The following RPA1 variants were observed in gnomAD, a reference collection of about 807,000 sequenced individuals.
RPA1 encodes replication protein A1, also known as replication protein A 70 kDa DNA-binding subunit.
Under a neutral mutation model 83.0 loss-of-function variants are expected in RPA1, and 49 were observed. The ratio of observed to expected loss-of-function variants is 0.59; its 90% CI spans 0.47 to 0.75. The LOEUF (loss-of-function observed/expected upper bound fraction) is 0.75, where lower values mean the gene tolerates loss of function less well. Ranked by LOEUF, RPA1 falls within the 30% of genes least tolerant of loss-of-function variation. The probability of loss-of-function intolerance (pLI) is 0.00; values close to 1 mark genes in which losing one functional copy is unlikely to be tolerated. For synonymous variants in RPA1, 279 were observed against 281.8 expected (o/e 0.99, Z 0.10); for missense variants, 693 against 776.1 (o/e 0.89, Z 1.27).
At chr17:1,857,062 C>G (rs1912726274) in intron 5 of RPA1, among the ~76,000 whole-genome samples, 1 of 151,676 alleles carries the variant, frequency 6.6e-6, no homozygotes, top group Non-Finnish European at 1.5e-5. Context: ...ATCTTTTTTT[C>G]TAACATAGGC....
chr17:1,879,723 A>C (rs1274536898), intron 11 of RPA1, 24 bp downstream of exon 11: 1 of 1,613,928 alleles, frequency 6.2e-7, no homozygotes, highest in Non-Finnish European at 8.5e-7. Flanking sequence ...TGGGGTCTTC[A>C]ACACGCACAG....
intron 1 of RPA1, among the ~76,000 whole-genome samples, chr17:1,834,635 A>G (rs556945851): frequency 8.7e-4 from 133 of 152,344 alleles, no homozygotes; most frequent in African/African-American, 2.3e-3. Context: ...AACAGAATAC[A>G]TAGCATTTGT....
In RPA1 at chr17:1,883,860, A is replaced by G. The variant is rs151029574; in HGVS notation, c.1290A>G (p.Leu430=). Residue 430 remains leucine (L), a synonymous_variant, in exon 13 of 17, where the codon CTA becomes CTG. Coordinates refer to ENST00000254719, the MANE Select transcript of RPA1 (RefSeq NM_002945.5). ...TAGATGGTGTTTCCATCTCTGATCT[A>G]AAGAGCGGCGGAGTCGGAGGGAGTA... The part of the protein sequence containing the change: ...QALDGVSISD[L]KSGGVGGSNT... 5.6e-6 allele frequency: 9 copies of G among 1,614,180 alleles called. No individual in the cohort carries two copies. In the East Asian group the frequency reaches 1.6e-4, roughly 28 times the overall value.
chr17:1,891,512 C>CGGGTTCAAGTGATTCTCCCGCCTCCT (rs1308060453), intron 14 of RPA1: 1 of 181,440 alleles, frequency 5.5e-6, no homozygotes, highest in Non-Finnish European at 1.2e-5. Context: ...CTCCGCCTCC[C>CGGGTTCAAGTGATTCTCCCGCCTCCT]GGGTTCAAGT....
intron 5 of RPA1, among the ~76,000 whole-genome samples, chr17:1,860,190 T>A (rs1372151990): frequency 6.6e-6 from 1 of 152,192 alleles, no homozygotes; most frequent in Non-Finnish European, 1.5e-5. Context: ...GCAATCCTCC[T>A]GCCTCAGCCT....
chr17:1,892,461 A>G (rs1383115116), intron 15 of RPA1, among the ~76,000 whole-genome samples: 1 of 152,254 alleles, frequency 6.6e-6, no homozygotes, highest in Admixed American at 6.5e-5. Flanking sequence ...AATAATGTAT[A>G]TAAAAGTACT....
chr17:1,872,320 A>C (rs777536290), intron 5 of RPA1, 114 bp from the exon 6 acceptor site: 48 of 1,449,700 alleles, frequency 3.3e-5, no homozygotes, highest in Non-Finnish European at 4.3e-5. Context: ...AATCCATGGG[A>C]GTCTTTGACA....
chr17:1,869,122 C>A (rs1027004372), intron 5 of RPA1, among the ~76,000 whole-genome samples: 5 of 152,164 alleles, frequency 3.3e-5, no homozygotes, highest in African/African-American at 1.2e-4. Context: ...TTTTTTGTTG[C>A]CCTTATTCTC....
chr17:1,864,269 G>A (rs1359007422), intron 5 of RPA1, among the ~76,000 whole-genome samples: 1 of 152,266 alleles, frequency 6.6e-6, no homozygotes, highest in Non-Finnish European at 1.5e-5. Context: ...GGGCATAGTG[G>A]CCCATGCCTG....
At chr17:1,888,366 A>C (rs967456872) in intron 13 of RPA1, among the ~76,000 whole-genome samples, 2 of 152,220 alleles carry the variant, frequency 1.3e-5, no homozygotes, top group Non-Finnish European at 2.9e-5. Context: ...TACAGTGTTC[A>C]AGCAAACAGG....
chr17:1,849,347 C>T (rs1210568645), intron 4 of RPA1, among the ~76,000 whole-genome samples: 3 of 134,974 alleles, frequency 2.2e-5, no homozygotes, highest in Non-Finnish European at 4.5e-5. Flanking sequence ...GGCTGGAGTG[C>T]AGTGGTGCGA....
At chr17:1,886,528 A>T (rs1913999539) in intron 13 of RPA1, among the ~76,000 whole-genome samples, 1 of 152,118 alleles carries the variant, frequency 6.6e-6, no homozygotes, top group Non-Finnish European at 1.5e-5. Context: ...CTACGTTGAA[A>T]ATCTGTTGTT....
Position 1,884,570 on chromosome 17 carries a change from G to A in RPA1, c.1374+626G>A, listed in dbSNP as rs1009605882. Among the ~76,000 whole-genome samples the A allele has an allele frequency of 6.6e-6, 1 of 151,940 alleles. No homozygotes were observed. Among genetic ancestry groups the A allele is most frequent in the African/African-American group, 2.4e-5 (1 of 41,344 alleles). On this transcript the variant is annotated intron_variant, in intron 13 of 16. Coordinates refer to ENST00000254719, the MANE Select transcript of RPA1 (RefSeq NM_002945.5). The surrounding 1 kb of genome is among the most constrained non-coding windows in gnomAD (Gnocchi z 4.1). Reference sequence around the variant, plus strand: ...TTTAGATCATTTATTTCTCCTTTACGCCTGCTCTTTTATTTTCATCATATA... The same window carrying A: ...TTTAGATCATTTATTTCTCCTTTACACCTGCTCTTTTATTTTCATCATATA...
intron 12 of RPA1, among the ~76,000 whole-genome samples, chr17:1,882,268 T>G (rs534063632): frequency 4.6e-5 from 7 of 152,284 alleles, no homozygotes; most frequent in Admixed American, 3.9e-4. Context: ...TAATACAAAT[T>G]AATTTAGCTT....
chr17:1,890,401 G>A (rs932903644), intron 14 of RPA1, among the ~76,000 whole-genome samples: 3 of 151,370 alleles, frequency 2.0e-5, no homozygotes, highest in Non-Finnish European at 2.9e-5. Flanking sequence ...GGTGGCTCAC[G>A]CCTGTAATCC....
In RPA1 at chr17:1,895,095, C is replaced by T. The variant is rs151219347; in HGVS notation, c.1746C>T (p.Asn582=). The change falls in exon 16 of 17, where the codon AAC becomes AAT. Residue 582 remains asparagine (N), a splice_region_variant and synonymous_variant. Transcript: ENST00000254719. The part of the protein sequence containing the change: ...FRVRVKVETY[N]DESRIKATVM... ...TCAGGGTCAAAGTGGAGACCTACAA[C>T]GTAAGTAAGGGCCTGGGCAGCAGGG... The T allele has an allele frequency of 9.6e-5, 155 of 1,612,328 alleles. No individual in the cohort carries two copies. Among genetic ancestry groups the T allele is most frequent in the African/African-American group, 4.0e-5 (3 of 74,834 alleles).
Position 1,858,538 on chromosome 17 carries a change from A to T in RPA1, c.361+5349A>T, listed in dbSNP as rs1405212899. ...GAGTGCAGTGGCACAATCTCGGCTCACTGCAGCCTCCGCCTCCCGGGTTCA... is the reference window on the plus strand; with the variant it reads ...GAGTGCAGTGGCACAATCTCGGCTCTCTGCAGCCTCCGCCTCCCGGGTTCA... On this transcript the variant is annotated intron_variant, in intron 5 of 16. Coordinates refer to ENST00000254719, the MANE Select transcript of RPA1 (RefSeq NM_002945.5). The T allele has an allele frequency of 8.5e-5, 62 of 733,326 alleles. 1 individual carries two copies. Among genetic ancestry groups the T allele is most frequent in the Non-Finnish European group, 7.1e-6 (3 of 424,218 alleles). The allele number at this position is 733,326 out of a possible 1,614,324, so 45.4% of individuals were successfully genotyped here. A position where few individuals can be genotyped will look rare whatever the true frequency, so the allele number is the denominator to read the frequency against.
intron 4 of RPA1, among the ~76,000 whole-genome samples, chr17:1,847,555 T>G (rs1463525503): frequency 6.6e-6 from 1 of 152,214 alleles, no homozygotes; most frequent in African/African-American, 2.4e-5. Context: ...TACTCCTTGC[T>G]TTTTTGGTGA....
At chr17:1,872,598 G>A (rs1597445847) in intron 6 of RPA1, 72 bp downstream of exon 6, 2 of 1,564,688 alleles carry the variant, frequency 1.3e-6, no homozygotes, top group East Asian at 2.3e-5. Flanking sequence ...AGTTGAATCT[G>A]GGACTAAAGG....
Sources: gnomAD v4.1 joint callset for allele counts (sites outside exome capture counted in the v4.1 genomes callset) on GRCh38, gnomAD v4.1.1 for gene constraint, Gnocchi (gnomAD v3.1) non-coding constraint, MANE v1.5 for transcripts, NCBI Gene and HGNC (gene_info 2026-07-23, HGNC 2026-07-21) for gene names.